The following SCMH1 variants were observed in gnomAD, a reference collection of about 807,000 sequenced individuals.
The protein encoded by SCMH1 is Scm polycomb group protein homolog 1, also known as polycomb protein SCMH1.
A neutral mutation model predicts 70.8 loss-of-function variants in SCMH1; 37 were observed. That is an observed-to-expected ratio of 0.52 (90% CI 0.40 to 0.69). The LOEUF (loss-of-function observed/expected upper bound fraction) is 0.69, where lower values mean the gene tolerates loss of function less well. Ranked by LOEUF, SCMH1 falls within the 30% of genes least tolerant of loss-of-function variation. The pLI, the probability that SCMH1 is intolerant of heterozygous loss-of-function variation, is 0.00. For missense variants in SCMH1, 607 were observed against 827.3 expected, an observed-to-expected ratio of 0.73 and a Z score of 3.27; for synonymous variants, 292 against 307.4, an observed-to-expected ratio of 0.95 and a Z score of 0.52.
chr1:41,054,814 C>T lies in SCMH1; in HGVS notation c.1106-5924G>A, dbSNP rs556555343. On this transcript the variant is annotated intron_variant, in intron 10 of 14. Coordinates refer to ENST00000337495, the Ensembl canonical transcript of SCMH1. ...TTTAAATTACAGACAGGGTCTTGCT[C>T]TGTCATCCAGGCTGGAGTGCAGTGG... 3.7e-4 allele frequency among the ~76,000 whole-genome samples: 57 copies of T among 152,326 alleles called. No individual in the cohort carries two copies. In the South Asian group the frequency reaches 0.012, roughly 31 times the overall value.
At chr1:41,176,698 G>T (rs998256107) in intron 2 of SCMH1, among the ~76,000 whole-genome samples, 1 of 152,208 alleles carries the variant, frequency 6.6e-6, no homozygotes, top group Admixed American at 6.5e-5. Flanking sequence ...CAGCGAGGCT[G>T]GGGGAGGGGC....
At chr1:41,156,921 C>T in intron 4 of SCMH1, among the ~76,000 whole-genome samples, 1 of 151,480 alleles carries the variant, frequency 6.6e-6, no homozygotes, top group Non-Finnish European at 1.5e-5. Context: ...GCCTCGGACT[C>T]CCAAAGTGCT....
At chr1:41,046,652 G>A (rs1269395299) in intron 11 of SCMH1, 54 bp from the exon 12 acceptor site, 3 of 1,427,912 alleles carry the variant, frequency 2.1e-6, no homozygotes, top group South Asian at 1.2e-5. Flanking sequence ...GGAGTACAGC[G>A]CTAGGCAGGA....
intron 2 of SCMH1, among the ~76,000 whole-genome samples, chr1:41,166,108 T>C (rs1646393114): frequency 6.6e-6 from 1 of 152,082 alleles, no homozygotes; most frequent in Non-Finnish European, 1.5e-5. Context: ...GAACAGATTG[T>C]CCTTTCCTCA....
intron 10 of SCMH1, among the ~76,000 whole-genome samples, chr1:41,066,100 T>C (rs1654501355): frequency 6.6e-6 from 1 of 152,196 alleles, no homozygotes; most frequent in African/African-American, 2.4e-5. Flanking sequence ...ACCTCATTCC[T>C]GGCGCTGCTA....
intron 10 of SCMH1, among the ~76,000 whole-genome samples, chr1:41,063,815 GAATT>G (rs1653658339): frequency 6.6e-6 from 1 of 152,142 alleles, no homozygotes; most frequent in Non-Finnish European, 1.5e-5. Flanking sequence ...TTAAAAAATT[GAATT>G]AATTAAACCC....
At chr1:41,095,876 G>A (rs577678443) in intron 8 of SCMH1, among the ~76,000 whole-genome samples, 1 of 152,154 alleles carries the variant, frequency 6.6e-6, no homozygotes, top group South Asian at 2.1e-4. Flanking sequence ...GCAAACAATT[G>A]CATATCCATT....
At chr1:41,114,563 A>G (rs779446612) in intron 7 of SCMH1, among the ~76,000 whole-genome samples, 2 of 151,692 alleles carry the variant, frequency 1.3e-5, no homozygotes, top group Non-Finnish European at 2.9e-5. Context: ...ATTACAACGA[A>G]TTTATAGATA....
intron 1 of SCMH1, among the ~76,000 whole-genome samples, chr1:41,241,747 T>C (rs1162075711): frequency 1.3e-5 from 2 of 151,458 alleles, no homozygotes; most frequent in Admixed American, 6.6e-5. Flanking sequence ...GCCCCCGGCC[T>C]TGGGTTTCCC....
chr1:41,175,069 C>A (rs539795355), intron 2 of SCMH1, among the ~76,000 whole-genome samples: 1 of 152,228 alleles, frequency 6.6e-6, no homozygotes, highest in Non-Finnish European at 1.5e-5. Context: ...GTCAACTTAA[C>A]TGGGCTAAGG....
At chr1:41,065,307 C>T (rs889763764) in intron 10 of SCMH1, among the ~76,000 whole-genome samples, 4 of 152,228 alleles carry the variant, frequency 2.6e-5, no homozygotes, top group Middle Eastern at 3.4e-3. Flanking sequence ...AGTGAGACCC[C>T]GTCTCTACAA....
intron 1 of SCMH1, among the ~76,000 whole-genome samples, chr1:41,200,696 T>A (rs981593558): frequency 5.3e-5 from 8 of 152,080 alleles, no homozygotes; most frequent in Admixed American, 3.9e-4. Context: ...CCAACTAAAA[T>A]AATTTTTAAA....
Position 41,113,198 on chromosome 1 carries a change from TG to T in SCMH1, c.745+84del. On this transcript the variant is annotated intron_variant, in intron 8 of 14. Coordinates refer to ENST00000337495, the Ensembl canonical transcript of SCMH1. The surrounding 1 kb of genome is among the most constrained non-coding windows in gnomAD (Gnocchi z 4.3). ...TCCCCTGCATACTAGTGAAGTATAC[TG>T]GTGAAGATATGATCATGACAGCCCT... 2.0e-6 allele frequency: 3 copies of T among 1,506,210 alleles called. No individual in the cohort carries two copies. The highest frequency in any genetic ancestry group is 1.3e-5 in the South Asian group (1 of 76,242). 93.3% of individuals were successfully genotyped at this position (1,506,210 alleles called of 1,614,324 possible). A position where few individuals can be genotyped will look rare whatever the true frequency, so the allele number is the denominator to read the frequency against.
intron 6 of SCMH1, among the ~76,000 whole-genome samples, chr1:41,142,358 C>G (rs1178000827): frequency 6.6e-6 from 1 of 151,950 alleles, no homozygotes; most frequent in African/African-American, 2.4e-5. Context: ...GGAATCTGAT[C>G]TGGAAAGAAA....
chr1:41,237,185 T>C (rs1411631666), intron 1 of SCMH1, among the ~76,000 whole-genome samples: 2 of 152,202 alleles, frequency 1.3e-5, no homozygotes, highest in Non-Finnish European at 1.5e-5. Context: ...CAGGTTTCCT[T>C]TAAAATCCTA....
intron 1 of SCMH1, among the ~76,000 whole-genome samples, chr1:41,211,208 CTA>C (rs1656939941): frequency 6.6e-6 from 1 of 152,164 alleles, no homozygotes; most frequent in Admixed American, 6.5e-5. Flanking sequence ...GCAAAAGAAA[CTA>C]TCATCAGAGT....
intron 8 of SCMH1, among the ~76,000 whole-genome samples, chr1:41,080,397 T>C (rs1198443934): frequency 1.3e-5 from 2 of 151,976 alleles, no homozygotes; most frequent in Non-Finnish European, 2.9e-5. Context: ...ATAACCCTCA[T>C]ACCAAAACAT....
chr1:41,242,136 G>C (rs1663729479), upstream of SCMH1: 1 of 146,982 alleles, frequency 6.8e-6, no homozygotes, highest in Non-Finnish European at 1.5e-5. The surrounding 1 kb of genome is among the most constrained non-coding windows in gnomAD (Gnocchi z 5.2). Flanking sequence ...AGGGAGCGGA[G>C]ACGCGGGAAG....
chr1:41,060,230 C>G (rs750248874), intron 10 of SCMH1, among the ~76,000 whole-genome samples: 109 of 151,962 alleles, frequency 7.2e-4, no homozygotes, highest in Admixed American at 2.6e-3. Context: ...ACATCTACAC[C>G]TAGGCATATC....
Sources: allele counts gnomAD v4.1 joint callset (sites outside exome capture counted in the v4.1 genomes callset), GRCh38; gene constraint gnomAD v4.1.1; non-coding constraint Gnocchi (gnomAD v3.1); transcripts MANE v1.5; gene names NCBI Gene and HGNC (gene_info 2026-07-23, HGNC 2026-07-21).